The following NCK1 variants were observed in gnomAD, a reference collection of about 807,000 sequenced individuals.
The protein encoded by NCK1 is NCK adaptor protein 1, also known as SH2/SH3 adapter protein NCK1.
In NCK1, 19 loss-of-function variants were observed where a neutral mutation model predicts 36.6. The ratio of observed to expected loss-of-function variants is 0.52; its 90% CI spans 0.36 to 0.76. The LOEUF (loss-of-function observed/expected upper bound fraction) is 0.76. Among genes scored for constraint, NCK1 ranks in the 30% least tolerant of loss-of-function variants. NCK1 has a pLI of 0.00. For synonymous variants in NCK1, 165 were observed against 156.0 expected (o/e 1.06, Z -0.43); for missense variants, 358 against 445.6 (o/e 0.80, Z 1.77).
intron 1 of NCK1, among the ~76,000 whole-genome samples, chr3:136,906,716 G>A (rs1939695903): frequency 6.6e-6 from 1 of 152,130 alleles, no homozygotes; most frequent in Non-Finnish European, 1.5e-5. Flanking sequence ...GCTGGTGTAG[G>A]CAGTGGCTGT....
intron 1 of NCK1, among the ~76,000 whole-genome samples, chr3:136,926,773 TG>T (rs1940251958): frequency 6.6e-6 from 1 of 152,168 alleles, no homozygotes; most frequent in Non-Finnish European, 1.5e-5. Context: ...GTTATCTTTT[TG>T]TTATGGTTGT....
rs758088827 is a variant in NCK1, at chr3:136,946,004, A to T, written c.648A>T (p.Val216=). The change falls in exon 3 of 4, where the codon GTA becomes GTT. Residue 216 remains valine, a synonymous_variant. Transcript: ENST00000481752. ...AACTTAATTTCGAGAAAGGAGATGT[A>T]ATGGATGTTATTGAAAAACCTGAAA... ...DEELNFEKGD[V]MDVIEKPEND... The T allele has an allele frequency of 6.2e-7, 1 of 1,614,028 alleles. No homozygotes were observed. Among genetic ancestry groups the T allele is most frequent in the Non-Finnish European group, 8.5e-7 (1 of 1,179,986 alleles).
intron 1 of NCK1, among the ~76,000 whole-genome samples, chr3:136,868,773 A>G (rs1378871211): frequency 6.6e-6 from 1 of 152,216 alleles, no homozygotes; most frequent in Non-Finnish European, 1.5e-5. Context: ...CAATGTAATG[A>G]TTTAGAGGAA....
chr3:136,931,093 T>C (rs1940379142), intron 2 of NCK1, among the ~76,000 whole-genome samples: 1 of 152,140 alleles, frequency 6.6e-6, no homozygotes, highest in Non-Finnish European at 1.5e-5. Flanking sequence ...AATGTAGTAT[T>C]GCTAGAAATT....
At chr3:136,867,676 A>G (rs1458179916) in intron 1 of NCK1, among the ~76,000 whole-genome samples, 1 of 152,142 alleles carries the variant, frequency 6.6e-6, no homozygotes, top group Admixed American at 6.5e-5. Flanking sequence ...TGTGTTTTAC[A>G]GATAAGGAAA....
At chr3:136,884,211 G>A (rs564084095) in intron 1 of NCK1, among the ~76,000 whole-genome samples, 13 of 152,264 alleles carry the variant, frequency 8.5e-5, no homozygotes, top group Admixed American at 2.6e-4. Flanking sequence ...AGCAGGTGGC[G>A]TGGAGGGAGG....
intron 1 of NCK1, among the ~76,000 whole-genome samples, chr3:136,910,464 G>A (rs986009634): frequency 6.6e-6 from 1 of 152,106 alleles, no homozygotes; most frequent in Non-Finnish European, 1.5e-5. Flanking sequence ...GTAAAGTTAT[G>A]TTTAAAAAAT....
intron 1 of NCK1, among the ~76,000 whole-genome samples, chr3:136,864,814 G>A (rs1938364693): frequency 6.8e-6 from 1 of 146,326 alleles, no homozygotes; most frequent in Non-Finnish European, 1.5e-5. Flanking sequence ...CTGGAGTGCA[G>A]TGGCACGATC....
chr3:136,899,645 GTCTT>G (rs1326945336), intron 1 of NCK1: 1 of 704,958 alleles, frequency 1.4e-6, no homozygotes, highest in Non-Finnish European at 2.7e-6. Context: ...TACCACCATT[GTCTT>G]TCTTAGTAAT....
At position 136,948,272 on chromosome 3, in the gene NCK1, C is replaced by A; in HGVS notation, c.953C>A (p.Ser318Ter). The A allele has an allele frequency of 6.3e-7, 1 of 1,590,626 alleles. No individual in the cohort carries two copies. The highest frequency in any genetic ancestry group is 1.2e-5 in the South Asian group (1 of 85,778). ...TTTCTCTTTTAGCCAAATGATTTCT[C>A]AGTATCACTAAAAGCACAAGGGAAA... is the stretch of plus-strand genomic sequence containing the variant. ...RDSESSPNDF[S>*]VSLKAQGKNK... The change falls in exon 4 of 4, where the codon TCA becomes TAA. Residue 318 changes from serine to a stop codon, truncating the protein, a stop_gained. Transcript: ENST00000481752. LOFTEE classifies it high-confidence loss of function.
At chr3:136,907,516 G>A (rs1034756330) in intron 1 of NCK1, among the ~76,000 whole-genome samples, 2 of 152,184 alleles carry the variant, frequency 1.3e-5, no homozygotes, top group African/African-American at 2.4e-5. Context: ...GGCTAGGATT[G>A]TAAGAGTCTG....
chr3:136,872,303 T>C (rs1938647359), intron 1 of NCK1, among the ~76,000 whole-genome samples: 1 of 152,212 alleles, frequency 6.6e-6, no homozygotes, highest in African/African-American at 2.4e-5. Context: ...TGTTATGTTT[T>C]AGCAAAGAAA....
chr3:136,886,478 C>T (rs1228134715), intron 1 of NCK1, among the ~76,000 whole-genome samples: 2 of 151,916 alleles, frequency 1.3e-5, no homozygotes, highest in Non-Finnish European at 2.9e-5. Context: ...GTAGTTAATG[C>T]TATATTGTTT....
At chr3:136,916,571 A>C (rs1939968963) in intron 1 of NCK1, among the ~76,000 whole-genome samples, 1 of 152,190 alleles carries the variant, frequency 6.6e-6, no homozygotes, top group Non-Finnish European at 1.5e-5. Flanking sequence ...ACACAATCTA[A>C]ACCTTATTAA....
intron 1 of NCK1, chr3:136,889,147 C>T (rs1286562427): frequency 2.1e-5 from 3 of 142,296 alleles, no homozygotes; most frequent in Non-Finnish European, 4.5e-5. Context: ...CCATCTCTGC[C>T]TCCCAAAGAG....
intron 1 of NCK1, among the ~76,000 whole-genome samples, chr3:136,885,198 T>C (rs7629882): frequency 0.68 from 103,146 of 152,054 alleles, 35,323 homozygotes; most frequent in East Asian, 0.87. Flanking sequence ...AATATGGATA[T>C]TGTGGCCGTG....
intron 1 of NCK1, among the ~76,000 whole-genome samples, chr3:136,878,114 A>C (rs1938825634): frequency 6.6e-6 from 1 of 152,212 alleles, no homozygotes; most frequent in Non-Finnish European, 1.5e-5. Context: ...AAACCTTTAA[A>C]ACATGCTAAG....
chr3:136,863,223 C>G (rs934413698), intron 1 of NCK1, among the ~76,000 whole-genome samples: 2 of 152,112 alleles, frequency 1.3e-5, no homozygotes, highest in Admixed American at 1.3e-4. Flanking sequence ...TTTCCTAACT[C>G]CTCTTTGGGT....
intron 1 of NCK1, among the ~76,000 whole-genome samples, chr3:136,871,924 C>A (rs1938632478): frequency 6.6e-6 from 1 of 152,192 alleles, no homozygotes; most frequent in African/African-American, 2.4e-5. Context: ...GATTGTGAGG[C>A]CTCTCCTGCC....
Sources: gnomAD v4.1 joint callset for allele counts (sites outside exome capture counted in the v4.1 genomes callset) on GRCh38, gnomAD v4.1.1 for gene constraint, MANE v1.5 for transcripts, NCBI Gene and HGNC (gene_info 2026-07-23, HGNC 2026-07-21) for gene names.